The following CRISPLD2 variants were observed in gnomAD, a reference collection of about 807,000 sequenced individuals.
CRISPLD2 encodes the protein cysteine-rich secretory protein LCCL domain-containing 2.
CRISPLD2 carries 47 observed loss-of-function variants against 71.1 expected under a neutral mutation model. The ratio of observed to expected loss-of-function variants is 0.66; its 90% CI spans 0.52 to 0.84. CRISPLD2 has a LOEUF of 0.84. CRISPLD2 is among the 40% of genes least tolerant of loss of function. The pLI, the probability that CRISPLD2 is intolerant of heterozygous loss-of-function variation, is 0.00. For missense variants in CRISPLD2, 830 were observed against 651.1 expected (o/e 1.27, Z -2.99); for synonymous variants, 317 against 250.1 (o/e 1.27, Z -2.52).
chr16:84,851,997 G>A (rs971076997), intron 5 of CRISPLD2, among the ~76,000 whole-genome samples: 19 of 152,006 alleles, frequency 1.2e-4, no homozygotes, highest in African/African-American at 4.4e-4. Context: ...CACCATTCTG[G>A]AGGCTAGAAG....
intron 14 of CRISPLD2, 22 bp from the exon 15 acceptor site, chr16:84,906,566 C>A (rs3803630): frequency 0.048 from 76,801 of 1,611,086 alleles, 2,631 homozygotes; most frequent in East Asian, 0.2. Context: ...CAGTAACGGG[C>A]CCTCTTTCTT....
Position 84,896,096 on chromosome 16 carries a change from T to G in CRISPLD2, c.1439+6733T>G, listed in dbSNP as rs372818729. Reference sequence around the variant, plus strand: ...CTCTGTTGCCCAGGCTGGGATGCAGTGGCGCGATCTCCACTCACTGCAACC... The same window carrying G: ...CTCTGTTGCCCAGGCTGGGATGCAGGGGCGCGATCTCCACTCACTGCAACC... On this transcript the variant is annotated intron_variant, in intron 14 of 14. Coordinates refer to ENST00000262424, the MANE Select transcript of CRISPLD2 (RefSeq NM_031476.4). Among the ~76,000 whole-genome samples, 111 of 150,854 alleles carry G rather than the reference T, an allele frequency of 7.4e-4. No individual in the cohort carries two copies. The South Asian group carries it at 0.022, about 30-fold the overall frequency.
chr16:84,884,337 C>T (rs2071593810), intron 13 of CRISPLD2, among the ~76,000 whole-genome samples: 1 of 152,264 alleles, frequency 6.6e-6, no homozygotes, highest in African/African-American at 2.4e-5. Context: ...ACAACACCTA[C>T]CCGGCAGAGT....
intron 13 of CRISPLD2, 142 bp downstream of exon 13, chr16:84,880,726 G>T (rs1490603119): frequency 1.3e-5 from 7 of 552,294 alleles, no homozygotes; most frequent in Non-Finnish European, 1.6e-5. Flanking sequence ...TTAATTTCGA[G>T]ATGGAGTCTT....
chr16:84,862,202 C>A (rs1917402977), intron 6 of CRISPLD2, among the ~76,000 whole-genome samples: 2 of 152,006 alleles, frequency 1.3e-5, no homozygotes, highest in African/African-American at 4.8e-5. Context: ...CGATTTTCTA[C>A]CTAGTTCACC....
chr16:84,868,286 C>A (rs1226536989), intron 7 of CRISPLD2, among the ~76,000 whole-genome samples: 2 of 152,250 alleles, frequency 1.3e-5, no homozygotes, highest in Admixed American at 6.5e-5. Context: ...CTTTTAATAA[C>A]ATACAACGTT....
chr16:84,884,383 T>C lies in CRISPLD2; in HGVS notation c.1305+3799T>C, dbSNP rs974637156. On this transcript the variant is annotated intron_variant, in intron 13 of 14. Transcript: ENST00000262424. Reference sequence around the variant, plus strand: ...ACTGTGTCAATGCACGTGAAATGCATAGAACAAAGACATGTAAAGATATGA... The same window carrying C: ...ACTGTGTCAATGCACGTGAAATGCACAGAACAAAGACATGTAAAGATATGA... Among the ~76,000 whole-genome samples, 6 of 152,162 alleles carry C rather than the reference T, an allele frequency of 3.9e-5. No homozygotes were observed. In the East Asian group the frequency reaches 5.8e-4, roughly 15 times the overall value.
intron 14 of CRISPLD2, among the ~76,000 whole-genome samples, chr16:84,891,680 G>A (rs896399876): frequency 1.3e-5 from 2 of 152,318 alleles, no homozygotes; most frequent in Admixed American, 6.5e-5. Context: ...GTTCCCTGTC[G>A]GGCTGATTCA....
chr16:84,824,122 G>C (rs1380537542), intron 1 of CRISPLD2, among the ~76,000 whole-genome samples: 2 of 152,128 alleles, frequency 1.3e-5, no homozygotes, highest in Non-Finnish European at 2.9e-5. Context: ...ATGATAGTGG[G>C]TGGGTGGGGA....
chr16:84,831,710 A>T (rs1348056664), intron 1 of CRISPLD2, among the ~76,000 whole-genome samples: 1 of 152,092 alleles, frequency 6.6e-6, no homozygotes, highest in Non-Finnish European at 1.5e-5. Context: ...CTGGCCTAAT[A>T]GGATTTTTAT....
intron 1 of CRISPLD2, among the ~76,000 whole-genome samples, chr16:84,831,101 T>C (rs1308503131): frequency 6.6e-6 from 1 of 152,152 alleles, no homozygotes; most frequent in East Asian, 1.9e-4. Context: ...GCTGCAATCC[T>C]GGGTGGGGAG....
Position 84,903,948 on chromosome 16 carries a change from C to T in CRISPLD2, c.1440-2640C>T, listed in dbSNP as rs116750995. ...GAAGTTCTACTGGGGTGGGGCTGTG[C>T]CATCCAGCGGCTTTCTTGATTTGAA... On this transcript the variant is annotated intron_variant, in intron 14 of 14. Transcript: ENST00000262424. 7.5e-3 allele frequency among the ~76,000 whole-genome samples: 1,144 copies of T among 152,278 alleles called. 8 individuals are homozygous for T. Among genetic ancestry groups the T allele is most frequent in the African/African-American group, 0.026 (1,062 of 41,548 alleles).
At chr16:84,889,585 G>GAA (rs59814018) in intron 14 of CRISPLD2, among the ~76,000 whole-genome samples, 65,080 of 149,126 alleles carry the variant, frequency 0.44, 15,541 homozygotes, top group East Asian at 0.64. Context: ...TTGGGATTAA[G>GAA]AAAAAAAAAA....
rs547688083 is a variant in CRISPLD2, at chr16:84,829,703, C to T, written c.-74-8719C>T. Among the ~76,000 whole-genome samples the T allele has an allele frequency of 3.9e-5, 6 of 152,292 alleles. No homozygotes were observed. The South Asian group carries it at 1.2e-3, about 32-fold the overall frequency. On this transcript the variant is annotated intron_variant, in intron 1 of 14. Coordinates refer to ENST00000262424, the MANE Select transcript of CRISPLD2 (RefSeq NM_031476.4). ...ACCCAGGACTGGTAAGTGACCAGGG[C>T]GTAGTGAATGAATCGACATTGTCCT...
rs192024800 is a variant in CRISPLD2, at chr16:84,903,479, C to G, written c.1440-3109C>G. The stretch of plus-strand genomic sequence containing the variant: ...TGGTGGCGCATGCCTGTAATTCCAG[C>G]TAGTTGAGAGGCTGAGGCAGGAGAA... On this transcript the variant is annotated intron_variant, in intron 14 of 14. Transcript: ENST00000262424. Among the ~76,000 whole-genome samples, 24 of 151,996 alleles carry G rather than the reference C, an allele frequency of 1.6e-4. 1 individual carries two copies. In the East Asian group the frequency reaches 4.1e-3, roughly 26 times the overall value.
intron 6 of CRISPLD2, among the ~76,000 whole-genome samples, chr16:84,865,156 AT>A (rs576554191): frequency 0.032 from 4,485 of 140,070 alleles, 52 homozygotes; most frequent in Non-Finnish European, 0.048. Flanking sequence ...TGAAACTTGG[AT>A]TTTTTTTTTT....
chr16:84,872,417 C>T, intron 8 of CRISPLD2, 25 bp from the exon 9 acceptor site: 1 of 1,601,178 alleles, frequency 6.2e-7, no homozygotes, highest in Non-Finnish European at 8.6e-7. Flanking sequence ...TATCTCTGAA[C>T]ATCATTTTAT....
intron 11 of CRISPLD2, among the ~76,000 whole-genome samples, chr16:84,875,723 ATTT>A (rs35350672): frequency 8.5e-5 from 11 of 128,866 alleles, no homozygotes; most frequent in African/African-American, 1.1e-4. Flanking sequence ...TGTCCAGCTA[ATTT>A]TTTTTTTTTT....
At chr16:84,859,365 C>T (rs1004384193) in intron 6 of CRISPLD2, among the ~76,000 whole-genome samples, 1 of 152,208 alleles carries the variant, frequency 6.6e-6, no homozygotes, top group African/African-American at 2.4e-5. Flanking sequence ...GGAGTCAACA[C>T]CTGCTCAGAG....
Sources: gnomAD v4.1 joint callset for allele counts (sites outside exome capture counted in the v4.1 genomes callset) on GRCh38, gnomAD v4.1.1 for gene constraint, MANE v1.5 for transcripts, NCBI Gene and HGNC (gene_info 2026-07-23, HGNC 2026-07-21) for gene names.